Variants in GTSE1 observed in about 807,000 individuals in gnomAD.
GTSE1 encodes the protein G2 and S-phase expressed 1.
GTSE1 carries 52 observed loss-of-function variants against 60.5 expected under a neutral mutation model. The ratio of observed to expected loss-of-function variants is 0.86; its 90% CI spans 0.69 to 1.08. The LOEUF (loss-of-function observed/expected upper bound fraction) is 1.08. Among genes scored for constraint, GTSE1 ranks in the 50% least tolerant of loss-of-function variants. The pLI is 0.00. For missense variants in GTSE1, 937 were observed against 961.8 expected (o/e 0.97, Z 0.34); for synonymous variants, 368 against 386.5 (o/e 0.95, Z 0.56).
rs1175612110 is a variant in GTSE1 at position 46,320,902 on chromosome 22, A to G, written c.1433-2288A>G. On this transcript the variant is annotated intron_variant, in intron 7 of 11. Coordinates refer to ENST00000454366, the MANE Select transcript of GTSE1 (RefSeq NM_016426.7). The surrounding 1 kb of genome is among the most constrained non-coding windows in gnomAD (Gnocchi z 7.1). ...AGATGGCTTGTTCGTGTTCTGTTTCATAAGAATGACCTTCCCGTGCCACCA... is the reference window on the plus strand; with the variant it reads ...AGATGGCTTGTTCGTGTTCTGTTTCGTAAGAATGACCTTCCCGTGCCACCA... Among the ~76,000 whole-genome samples the G allele has an allele frequency of 1.3e-5, 2 of 152,054 alleles. No individual in the cohort carries two copies. Among genetic ancestry groups the G allele is most frequent in the African/African-American group, 4.8e-5 (2 of 41,404 alleles).
rs1041970319 is a variant in GTSE1 at position 46,316,125 on chromosome 22, G to A, written c.1145G>A (p.Arg382Gln). The change falls in exon 7 of 12, where the codon CGG becomes CAG. Residue 382 changes from arginine to glutamine, a missense_variant. By Grantham distance (43) the Arg-to-Gln change is conservative. Coordinates refer to ENST00000454366, the MANE Select transcript of GTSE1 (RefSeq NM_016426.7). This position sits in a 1 kb window ranked among gnomAD's most constrained non-coding sequence, Gnocchi z 5.0. Reference sequence around the variant, plus strand: ...GGCAGAATGGGACCCGCCATGCTGCGGCCAGCTCTGCCTGCAGGCCCTGTG... The same window carrying A: ...GGCAGAATGGGACCCGCCATGCTGCAGCCAGCTCTGCCTGCAGGCCCTGTG... ...KSGRMGPAML[R>Q]PALPAGPVGA... The A allele has an allele frequency of 5.6e-6, 9 of 1,601,624 alleles. No homozygotes were observed. The highest frequency in any genetic ancestry group is 5.1e-5 in the Admixed American group (3 of 59,016).
chr22:46,309,036 G>C lies in GTSE1; in HGVS notation c.762+93G>C. The C allele has an allele frequency of 7.2e-7, 1 of 1,393,604 alleles. No individual in the cohort carries two copies. The highest frequency in any genetic ancestry group is 9.7e-7 in the Non-Finnish European group (1 of 1,028,758). The allele number at this position is 1,393,604 out of a possible 1,614,324, so 86.3% of individuals were successfully genotyped here. A position where few individuals can be genotyped will look rare whatever the true frequency, so the allele number is the denominator to read the frequency against. ...GCCACATGCGGAAAGCCTCAGAGGT[G>C]GCGAGTCTCTGAGGCCTACAAAACA... On this transcript the variant is annotated intron_variant, in intron 4 of 11. Coordinates refer to ENST00000454366, the MANE Select transcript of GTSE1 (RefSeq NM_016426.7). This position sits in a 1 kb window ranked among gnomAD's most constrained non-coding sequence, Gnocchi z 6.2.
intron 9 of GTSE1, 45 bp from the exon 10 acceptor site, chr22:46,328,643 A>C (rs754653197): frequency 6.9e-7 from 1 of 1,458,210 alleles, no homozygotes; most frequent in Non-Finnish European, 9.6e-7. Context: ...CAAGTGAACG[A>C]GCATTTTAGA....
At chr22:46,326,854 A>G in intron 9 of GTSE1, 200 bp downstream of exon 9, 1 of 513,178 alleles carries the variant, frequency 1.9e-6, no homozygotes, top group South Asian at 3.0e-5. Context: ...TTACAAGGAA[A>G]TACTGCGTGT....
intron 2 of GTSE1, among the ~76,000 whole-genome samples, chr22:46,298,406 C>G (rs2077669874): frequency 6.8e-6 from 1 of 148,022 alleles, no homozygotes; most frequent in Non-Finnish European, 1.5e-5. Flanking sequence ...CTTTCGGGTT[C>G]AAGCGATTCT....
intron 2 of GTSE1, among the ~76,000 whole-genome samples, chr22:46,300,626 T>A (rs1044598591): frequency 2.0e-5 from 3 of 152,158 alleles, no homozygotes; most frequent in African/African-American, 7.2e-5. Flanking sequence ...CCCTCCAGGG[T>A]GGGCTGCATG....
intron 4 of GTSE1, among the ~76,000 whole-genome samples, chr22:46,311,192 C>G (rs1236984720): frequency 6.6e-6 from 1 of 152,088 alleles, no homozygotes; most frequent in Admixed American, 6.5e-5. Flanking sequence ...GTCCTCCTGT[C>G]TCAGCCTCCC....
In GTSE1 at chr22:46,324,512, C is replaced by T. The variant is rs903690185; in HGVS notation, c.1505+1250C>T. 1.3e-5 allele frequency among the ~76,000 whole-genome samples: 2 copies of T among 152,066 alleles called. No individual in the cohort carries two copies. Among genetic ancestry groups the T allele is most frequent in the South Asian group, 2.1e-4 (1 of 4,822 alleles). ...CCTCCCAAGTAGCTGGGACTACAGGCGCCCGCCACCACGCCCGGCTAAGTT... is the reference window on the plus strand; with the variant it reads ...CCTCCCAAGTAGCTGGGACTACAGGTGCCCGCCACCACGCCCGGCTAAGTT... On this transcript the variant is annotated intron_variant, in intron 8 of 11. Coordinates refer to ENST00000454366, the MANE Select transcript of GTSE1 (RefSeq NM_016426.7). This position sits in a 1 kb window ranked among gnomAD's most constrained non-coding sequence, Gnocchi z 5.2.
In GTSE1 at chr22:46,326,416, AC is replaced by A. The variant is rs1483690935; in HGVS notation, c.1506-19del. The A allele has an allele frequency of 6.4e-7, 1 of 1,570,366 alleles. No homozygotes were observed. The highest frequency in any genetic ancestry group is 1.3e-5 in the African/African-American group (1 of 74,210). On this transcript the variant is annotated intron_variant, in intron 8 of 11. Transcript: ENST00000454366. ...TTTCTATGTCATCTCAGCTCACGAC[AC>A]TGATGTTGTGTTTGCCAGGGTCACT...
rs1180038020 is a variant in GTSE1, at chr22:46,297,469, T to C, written c.69T>C (p.Pro23=). 1.2e-6 allele frequency: 2 copies of C among 1,611,290 alleles called. No individual in the cohort carries two copies. The highest frequency in any genetic ancestry group is 2.7e-5 in the African/African-American group (2 of 74,868). ...CRAGDVNMDD[P]KKEDILLLAD... ...CAGGGGACGTGAACATGGATGACCC[T>C]AAGAAGGAAGGCAAGTCCTTGCTGC... Residue 23 remains proline, a synonymous_variant, in exon 2 of 12, where the codon CCT becomes CCC. Coordinates refer to ENST00000454366, the MANE Select transcript of GTSE1 (RefSeq NM_016426.7). This position sits in a 1 kb window ranked among gnomAD's most constrained non-coding sequence, Gnocchi z 4.9.
In GTSE1 at chr22:46,321,012, C is replaced by CGGGAGGCGGCAAGGGAGA. The variant is rs1370128618; in HGVS notation, c.1433-2167_1433-2150dup. 6.6e-6 allele frequency among the ~76,000 whole-genome samples: 1 copy of CGGGAGGCGGCAAGGGAGA among 151,572 alleles called. No individual in the cohort carries two copies. The highest frequency in any genetic ancestry group is 1.5e-5 in the Non-Finnish European group (1 of 67,900). ...GGTCTCGGGAGAGAGGGAGCCAACA[C>CGGGAGGCGGCAAGGGAGA]GGGAGGCGGCAAGGGAGAGGGAGGC... On this transcript the variant is annotated intron_variant, in intron 7 of 11. Coordinates refer to ENST00000454366, the MANE Select transcript of GTSE1 (RefSeq NM_016426.7). This position sits in a 1 kb window ranked among gnomAD's most constrained non-coding sequence, Gnocchi z 4.0.
chr22:46,299,352 G>A (rs1052095270), intron 2 of GTSE1, among the ~76,000 whole-genome samples: 4 of 152,238 alleles, frequency 2.6e-5, no homozygotes, highest in African/African-American at 7.2e-5. Flanking sequence ...TGTCTTGAGC[G>A]CAGCCTCTCC....
In GTSE1 at chr22:46,320,629, T is replaced by C. The variant is rs1489669098; in HGVS notation, c.1433-2561T>C. Among the ~76,000 whole-genome samples, 4 of 152,224 alleles carry C rather than the reference T, an allele frequency of 2.6e-5. No homozygotes were observed. The highest frequency in any genetic ancestry group is 6.5e-5 in the Admixed American group (1 of 15,288). The stretch of plus-strand genomic sequence containing the variant: ...TAGTGGAGGCTTTCATATGTGCACT[T>C]TCTCAAAATACTCGAGGCAAGCAGC... On this transcript the variant is annotated intron_variant, in intron 7 of 11. Coordinates refer to ENST00000454366, the MANE Select transcript of GTSE1 (RefSeq NM_016426.7). This position sits in a 1 kb window ranked among gnomAD's most constrained non-coding sequence, Gnocchi z 7.1.
chr22:46,320,190 G>A lies in GTSE1; in HGVS notation c.1433-3000G>A, dbSNP rs1024790661. Among the ~76,000 whole-genome samples, 6 of 152,084 alleles carry A rather than the reference G, an allele frequency of 3.9e-5. No homozygotes were observed. Among genetic ancestry groups the A allele is most frequent in the South Asian group, 2.1e-4 (1 of 4,822 alleles). ...AGTGTTGGCTGGTCTCCTGGCTGTC[G>A]GGCTGCTTGATGCCACAGGACTTCT... is the stretch of plus-strand genomic sequence containing the variant. On this transcript the variant is annotated intron_variant, in intron 7 of 11. Transcript: ENST00000454366. This position sits in a 1 kb window ranked among gnomAD's most constrained non-coding sequence, Gnocchi z 7.1.
At position 46,317,029 on chromosome 22, in the gene GTSE1, T is replaced by C. The variant is rs940006679; in HGVS notation, c.1432+617T>C. 6.6e-6 allele frequency among the ~76,000 whole-genome samples: 1 copy of C among 152,208 alleles called. No individual in the cohort carries two copies. Among genetic ancestry groups the C allele is most frequent in the Non-Finnish European group, 1.5e-5 (1 of 68,036 alleles). On this transcript the variant is annotated intron_variant, in intron 7 of 11. Coordinates refer to ENST00000454366, the MANE Select transcript of GTSE1 (RefSeq NM_016426.7). This position sits in a 1 kb window ranked among gnomAD's most constrained non-coding sequence, Gnocchi z 5.6. ...CAGGGTGGAATGCAGTGGCGCGATC[T>C]CAGCGCACTGTAACCTCCACCTACC...
In GTSE1 at chr22:46,313,965, G is replaced by C. The variant is rs2077763957; in HGVS notation, c.1003G>C (p.Val335Leu). 5 of 1,614,230 alleles carry C rather than the reference G, an allele frequency of 3.1e-6. No homozygotes were observed. The highest frequency in any genetic ancestry group is 2.2e-5 in the South Asian group (2 of 91,088). The change falls in exon 6 of 12, where the codon GTT becomes CTT. Residue 335 changes from valine (V) to leucine (L), a missense_variant. By Grantham distance (32) the Val-to-Leu change is conservative. Transcript: ENST00000454366. This position sits in a 1 kb window ranked among gnomAD's most constrained non-coding sequence, Gnocchi z 4.4. ...NLARKSSSGP[V>L]WSGASSACTS... The stretch of plus-strand genomic sequence containing the variant: ...CGCAAGGAAGTCCTCCTCGGGGCCT[G>C]TTTGGAGCGGGGCATCCAGTGCGTG...
At chr22:46,326,880 A>C (rs1447140736) in intron 9 of GTSE1, 5 of 450,580 alleles carry the variant, frequency 1.1e-5, no homozygotes, top group Non-Finnish European at 1.9e-5. Flanking sequence ...TCTGATAATC[A>C]ATTTGAAAAC....
At position 46,308,713 on chromosome 22, in the gene GTSE1, G is replaced by T. The variant is rs35141277; in HGVS notation, c.532G>T (p.Val178Leu). ...LSDSPLLGPP[V>L]GEPRLLASSP... ...AGACAGCCCCTTGCTGGGGCCCCCTGTGGGTGAGCCTCGGCTCTTGGCCTC... is the reference window on the plus strand; with the variant it reads ...AGACAGCCCCTTGCTGGGGCCCCCTTTGGGTGAGCCTCGGCTCTTGGCCTC... Residue 178 changes from valine to leucine, a missense_variant, in exon 4 of 12, where the codon GTG becomes TTG. Transcript: ENST00000454366. The T allele has an allele frequency of 2.7e-3, 4,290 of 1,613,696 alleles. 91 individuals carry two copies. The African/African-American group carries it at 0.05, about 19-fold the overall frequency.
intron 9 of GTSE1, chr22:46,327,347 T>TC (rs1467865898): frequency 6.6e-6 from 1 of 152,056 alleles, no homozygotes; most frequent in Non-Finnish European, 1.5e-5. Flanking sequence ...CAGTCGTGTA[T>TC]AACCTTTGAA....
Sources: allele counts gnomAD v4.1 joint callset (sites outside exome capture counted in the v4.1 genomes callset), GRCh38; gene constraint gnomAD v4.1.1; non-coding constraint Gnocchi (gnomAD v3.1); transcripts MANE v1.5; gene names NCBI Gene and HGNC (gene_info 2026-07-23, HGNC 2026-07-21).